HPSE2: variants seen among roughly 807,000 people sequenced by gnomAD.
HPSE2 encodes inactive heparanase-2.
Under a neutral mutation model 60.5 loss-of-function variants are expected in HPSE2, and 38 were observed. That is an observed-to-expected ratio of 0.63 (90% CI 0.48 to 0.82). The LOEUF is 0.82. Ranked by LOEUF, HPSE2 falls within the 40% of genes least tolerant of loss-of-function variation. HPSE2 has a pLI of 0.00. For missense variants in HPSE2, 713 were observed against 740.4 expected (o/e 0.96, Z 0.43); for synonymous variants, 295 against 293.2 (o/e 1.01, Z -0.06).
chr10:99,232,250 C>CACACAG, intron 2 of HPSE2, 98 bp downstream of exon 2: 2 of 1,366,712 alleles, frequency 1.5e-6, no homozygotes, highest in East Asian at 2.5e-5. Flanking sequence ...CACACACACA[C>CACACAG]ACACACGAAC....
At chr10:99,180,175 C>T (rs1473809258) in intron 2 of HPSE2, among the ~76,000 whole-genome samples, 1 of 152,146 alleles carries the variant, frequency 6.6e-6, no homozygotes, top group Non-Finnish European at 1.5e-5. Flanking sequence ...AAAACCTGGG[C>T]AATACCATTC....
chr10:98,989,792 G>GTA (rs1432568839), intron 3 of HPSE2, among the ~76,000 whole-genome samples: 1 of 152,128 alleles, frequency 6.6e-6, no homozygotes, highest in Non-Finnish European at 1.5e-5. Context: ...CTTGGAGAAT[G>GTA]TATATCACCT....
intron 3 of HPSE2, among the ~76,000 whole-genome samples, chr10:98,915,652 G>T (rs1240192016): frequency 6.6e-6 from 1 of 152,084 alleles, no homozygotes; most frequent in African/African-American, 2.4e-5. Flanking sequence ...CCCAGTCTCT[G>T]GTCTTTTCTG....
intron 3 of HPSE2, among the ~76,000 whole-genome samples, chr10:98,881,555 T>C (rs1179452375): frequency 6.6e-6 from 1 of 152,056 alleles, no homozygotes; most frequent in African/African-American, 2.4e-5. Flanking sequence ...TAGGTGACAG[T>C]GAAGGTACTA....
At chr10:98,926,460 A>G (rs1954466467) in intron 3 of HPSE2, among the ~76,000 whole-genome samples, 1 of 152,204 alleles carries the variant, frequency 6.6e-6, no homozygotes, top group East Asian at 1.9e-4. Context: ...AGTCTCCTTC[A>G]TGATAAGCAA....
At chr10:99,114,176 T>C (rs1844582951) in intron 3 of HPSE2, among the ~76,000 whole-genome samples, 1 of 152,226 alleles carries the variant, frequency 6.6e-6, no homozygotes. Flanking sequence ...CCCAGGGGAT[T>C]TCCTTGCATA....
At chr10:98,793,404 T>G (rs2134492180) in intron 3 of HPSE2, among the ~76,000 whole-genome samples, 1 of 152,360 alleles carries the variant, frequency 6.6e-6, no homozygotes, top group South Asian at 2.1e-4. Flanking sequence ...ACTGATTTCT[T>G]TGCTGCTGCT....
intron 3 of HPSE2, among the ~76,000 whole-genome samples, chr10:99,042,120 G>T (rs1200551589): frequency 6.6e-6 from 1 of 151,622 alleles, no homozygotes; most frequent in Non-Finnish European, 1.5e-5. Context: ...CAACTGGCAG[G>T]CCCTCTCCTA....
intron 3 of HPSE2, among the ~76,000 whole-genome samples, chr10:99,085,894 T>C (rs1843298898): frequency 2.0e-5 from 3 of 152,180 alleles, no homozygotes; most frequent in Non-Finnish European, 1.5e-5. Context: ...AAAATCCACA[T>C]CAAGCACCCA....
intron 3 of HPSE2, among the ~76,000 whole-genome samples, chr10:99,097,295 C>A (rs1047382229): frequency 6.6e-6 from 1 of 152,166 alleles, no homozygotes; most frequent in African/African-American, 2.4e-5. Flanking sequence ...AGGCATCTAT[C>A]TTTTGGTTTA....
intron 3 of HPSE2, among the ~76,000 whole-genome samples, chr10:99,024,085 A>G (rs1957324663): frequency 6.6e-6 from 1 of 152,254 alleles, no homozygotes; most frequent in South Asian, 2.1e-4. Flanking sequence ...AAACTCAAAG[A>G]AATTCAAGAT....
intron 3 of HPSE2, among the ~76,000 whole-genome samples, chr10:98,991,075 T>A (rs1182998091): frequency 6.6e-6 from 1 of 152,184 alleles, no homozygotes; most frequent in Non-Finnish European, 1.5e-5. Flanking sequence ...CTAACTAGCC[T>A]TCATCTATCA....
intron 3 of HPSE2, among the ~76,000 whole-genome samples, chr10:99,116,492 T>C (rs1282315605): frequency 6.6e-6 from 1 of 152,164 alleles, no homozygotes; most frequent in Non-Finnish European, 1.5e-5. Context: ...AATGCAAATA[T>C]TACTACCCAC....
the HPSE2 span, among the ~76,000 whole-genome samples, chr10:99,242,032 T>C: frequency 1.5e-3 from 232 of 152,266 alleles, no homozygotes; most frequent in African/African-American, 5.3e-3. Flanking sequence ...AGGAAGAAAT[T>C]AGAGTAGGTT....
At chr10:99,120,885 G>A (rs1444215340) in intron 3 of HPSE2, among the ~76,000 whole-genome samples, 2 of 152,154 alleles carry the variant, frequency 1.3e-5, no homozygotes, top group African/African-American at 4.8e-5. Flanking sequence ...CAACCATTGA[G>A]GAAAACAGTG....
chr10:98,628,578 A>G (rs978715193), intron 7 of HPSE2, among the ~76,000 whole-genome samples: 5 of 152,130 alleles, frequency 3.3e-5, no homozygotes, highest in African/African-American at 1.2e-4. Context: ...AGGTAAAGGG[A>G]GCTGAGTGGT....
chr10:98,992,947 A>C (rs1468012494), intron 3 of HPSE2, among the ~76,000 whole-genome samples: 1 of 152,204 alleles, frequency 6.6e-6, no homozygotes, highest in Non-Finnish European at 1.5e-5. Context: ...TAGTTATGGG[A>C]ATTTCTACAG....
At position 98,700,584 on chromosome 10, in the gene HPSE2, G is replaced by T. The variant is rs1948378873; in HGVS notation, c.957-6637C>A. ...ATTACTATCCAGGACATAGGCATGG[G>T]CAAGGACTTCATGTCTAAAACACCA... is the stretch of plus-strand genomic sequence containing the variant. On this transcript the variant is annotated intron_variant, in intron 5 of 11. Coordinates refer to ENST00000370552, the MANE Select transcript of HPSE2 (RefSeq NM_021828.5). 2.3e-5 allele frequency among the ~76,000 whole-genome samples: 3 copies of T among 128,754 alleles called. No individual in the cohort carries two copies. The Admixed American group carries it at 2.6e-4, about 11-fold the overall frequency. The allele number at this position is 128,754 out of a possible 152,430, so 84.5% of individuals were successfully genotyped here.
chr10:98,654,088 C>T (rs781071002), intron 6 of HPSE2, among the ~76,000 whole-genome samples: 1 of 151,810 alleles, frequency 6.6e-6, no homozygotes, highest in African/African-American at 2.4e-5. Context: ...CACTTCATTG[C>T]CTTGTTCCTC....
Sources: gnomAD v4.1 joint callset for allele counts (sites outside exome capture counted in the v4.1 genomes callset) on GRCh38, gnomAD v4.1.1 for gene constraint, MANE v1.5 for transcripts, NCBI Gene and HGNC (gene_info 2026-07-23, HGNC 2026-07-21) for gene names.